NHSL1: variants seen among roughly 807,000 people sequenced by gnomAD.
NHSL1 encodes NHS like 1.
A neutral mutation model predicts 95.0 loss-of-function variants in NHSL1; 48 were observed. The observed-to-expected ratio is 0.51, with a 90% CI of 0.40 to 0.64. The LOEUF is 0.64. Among genes scored for constraint, NHSL1 ranks in the 30% least tolerant of loss-of-function variants. The pLI, the probability that NHSL1 is intolerant of heterozygous loss-of-function variation, is 0.00. For missense variants in NHSL1, 1,971 were observed against 2,077.7 expected (o/e 0.95, Z 1.00); for synonymous variants, 783 against 833.9 (o/e 0.94, Z 1.05).
upstream of NHSL1, among the ~76,000 whole-genome samples, chr6:138,573,149 CAGAGAGCTACGCTAGTGGCACTTAGCTG>C (rs1273358805): frequency 5.9e-5 from 9 of 152,164 alleles, no homozygotes; most frequent in African/African-American, 2.2e-4. Context: ...AAAGAGTCAT[CAGAGAGCTACGCTAGTGGCACTTAGCTG>C]CAGGCTCTAG....
At chr6:138,629,643 A>G (rs1358469631) in intron 1 of NHSL1, among the ~76,000 whole-genome samples, 1 of 152,204 alleles carries the variant, frequency 6.6e-6, no homozygotes, top group Non-Finnish European at 1.5e-5. Flanking sequence ...TTGGCCTCCC[A>G]AAGTGTTGCG....
chr6:138,455,457 GCTGCAAGGAGCCCCGCCTTCACATGCTCC>G (rs751863203), intron 3 of NHSL1, among the ~76,000 whole-genome samples: 51,755 of 108,142 alleles, frequency 0.48, 13,536 homozygotes, highest in Non-Finnish European at 0.56. Flanking sequence ...AAAGAAATGA[GCTGCAAGGAGCCCCGCCTTCACATGCTCC>G]CTGCAAGGAG....
chr6:138,689,178 C>T (rs1785626762), intron 1 of NHSL1, among the ~76,000 whole-genome samples: 1 of 152,166 alleles, frequency 6.6e-6, no homozygotes, highest in African/African-American at 2.4e-5. Flanking sequence ...TGAGCTATCA[C>T]ATCCAGGCAT....
intron 1 of NHSL1, among the ~76,000 whole-genome samples, chr6:138,621,191 A>T (rs1371574573): frequency 6.6e-6 from 1 of 152,228 alleles, no homozygotes; most frequent in African/African-American, 2.4e-5. Flanking sequence ...GAAAAGGGTT[A>T]GTTTTGCTAC....
At position 138,424,665 on chromosome 6, in the gene NHSL1, T is replaced by C; in HGVS notation, c.4237A>G (p.Ser1413Gly). 2 of 1,551,654 alleles carry C rather than the reference T, an allele frequency of 1.3e-6. No homozygotes were observed. The highest frequency in any genetic ancestry group is 1.7e-6 in the Non-Finnish European group (2 of 1,146,994). ...GCTTTGAAGTTGTCACTGCTGGTGC[T>C]GCTCTTTCGGATGCTTCTCTGAATC... Reference protein sequence around the residue: ...GSIQRSIRKSSTSSDNFKALL... With the variant: ...GSIQRSIRKSGTSSDNFKALL... Residue 1413 changes from serine (S) to glycine (G), a missense_variant, in exon 8 of 8, where the codon AGC becomes GGC. Transcript: ENST00000343505. The surrounding 1 kb of genome is among the most constrained non-coding windows in gnomAD (Gnocchi z 5.9).
intron 3 of NHSL1, among the ~76,000 whole-genome samples, chr6:138,457,048 T>C (rs1427462360): frequency 3.3e-5 from 5 of 152,056 alleles, no homozygotes; most frequent in Non-Finnish European, 7.4e-5. Context: ...GCCTGGCTAA[T>C]TTTTATATTT....
intron 3 of NHSL1, among the ~76,000 whole-genome samples, chr6:138,447,507 C>T (rs1776940968): frequency 6.6e-6 from 1 of 152,188 alleles, no homozygotes; most frequent in South Asian, 2.1e-4. Context: ...GGCGTGGTGG[C>T]TCATGCCTGT....
chr6:138,657,097 C>T (rs1000457340), intron 1 of NHSL1, among the ~76,000 whole-genome samples: 5 of 152,058 alleles, frequency 3.3e-5, no homozygotes, highest in African/African-American at 7.2e-5. Context: ...ATTAGGAATG[C>T]TTTCACCTGC....
chr6:138,658,744 C>G (rs1305014234), intron 1 of NHSL1, among the ~76,000 whole-genome samples: 1 of 151,950 alleles, frequency 6.6e-6, no homozygotes, highest in South Asian at 2.1e-4. Context: ...ATAAGACCAT[C>G]GAAATCCTTC....
At chr6:138,476,685 G>C (rs114717755) in intron 2 of NHSL1, among the ~76,000 whole-genome samples, 3 of 151,828 alleles carry the variant, frequency 2.0e-5, no homozygotes, top group African/African-American at 7.3e-5. Context: ...AAAATTAGCC[G>C]GGTATAGTGG....
rs1356840644 is a variant in NHSL1 at position 138,593,431 on chromosome 6, C to T, written c.97-97060G>A. On this transcript the variant is annotated intron_variant, in intron 1 of 3. Transcript: ENST00000491526. ...TGGTAGCACAGAGTTCATTCATTCA[C>T]AATCATGCTAATTCACTCATACAGA... 2.6e-5 allele frequency among the ~76,000 whole-genome samples: 4 copies of T among 152,246 alleles called. No individual in the cohort carries two copies. In the East Asian group the frequency reaches 7.7e-4, roughly 29 times the overall value.
intron 1 of NHSL1, among the ~76,000 whole-genome samples, chr6:138,558,266 GC>G (rs1783272020): frequency 1.3e-5 from 2 of 151,604 alleles, no homozygotes; most frequent in African/African-American, 4.9e-5. Flanking sequence ...GGGACTACAG[GC>G]ACCCACCACC....
At chr6:138,554,162 T>C (rs1245752757) in intron 1 of NHSL1, among the ~76,000 whole-genome samples, 2 of 152,182 alleles carry the variant, frequency 1.3e-5, no homozygotes, top group Non-Finnish European at 2.9e-5. Context: ...ATGCCTAACA[T>C]ATGTGTATTA....
chr6:138,618,514 G>C (rs1188144219), intron 1 of NHSL1, among the ~76,000 whole-genome samples: 4 of 152,120 alleles, frequency 2.6e-5, no homozygotes, highest in Non-Finnish European at 4.4e-5. Context: ...TAGCTGTTTA[G>C]GTCATTGCAG....
intron 1 of NHSL1, among the ~76,000 whole-genome samples, chr6:138,622,257 CT>C (rs890654293): frequency 2.0e-4 from 31 of 152,066 alleles, no homozygotes; most frequent in African/African-American, 7.2e-4. Flanking sequence ...AATCCCAGCA[CT>C]TTAGGAGGCC....
intron 3 of NHSL1, among the ~76,000 whole-genome samples, chr6:138,457,857 A>C (rs1409356896): frequency 6.6e-6 from 1 of 151,996 alleles, no homozygotes; most frequent in Non-Finnish European, 1.5e-5. Context: ...AAAATACAAA[A>C]ATTAGCTGGG....
chr6:138,494,990 C>T (rs1562325879), intron 2 of NHSL1, among the ~76,000 whole-genome samples: 1 of 152,150 alleles, frequency 6.6e-6, no homozygotes, highest in Non-Finnish European at 1.5e-5. Flanking sequence ...TGCCTGTAAT[C>T]CTAGCATGTT....
intron 1 of NHSL1, among the ~76,000 whole-genome samples, chr6:138,557,940 A>G (rs575123259): frequency 1.3e-5 from 2 of 152,346 alleles, no homozygotes; most frequent in East Asian, 3.9e-4. Flanking sequence ...ATACTTTAGA[A>G]AGATGTTCAT....
At position 138,682,691 on chromosome 6, in the gene NHSL1, C is replaced by G. The variant is rs145632096; in HGVS notation, c.96+9785G>C. ...CCCTGAATAAACAAGATGCCTCACA[C>G]ACGGCCTAGATGGGTGTTTCCCAAA... On this transcript the variant is annotated intron_variant, in intron 1 of 3. Coordinates refer to the NHSL1 transcript ENST00000491526. Among the ~76,000 whole-genome samples, 347 of 152,286 alleles carry G rather than the reference C, an allele frequency of 2.3e-3. 2 individuals carry two copies. The highest frequency in any genetic ancestry group is 3.6e-3 in the Non-Finnish European group (248 of 68,036).
Sources: allele counts gnomAD v4.1 joint callset (sites outside exome capture counted in the v4.1 genomes callset), GRCh38; gene constraint gnomAD v4.1.1; non-coding constraint Gnocchi (gnomAD v3.1); transcripts MANE v1.5; gene names NCBI Gene and HGNC (gene_info 2026-07-23, HGNC 2026-07-21).